The following CHMP7 variants were observed in gnomAD, a reference collection of about 807,000 sequenced individuals.
CHMP7 encodes the protein charged multivesicular body protein 7, also known as CHMP family, member 7.
In CHMP7, 15 loss-of-function variants were observed where a neutral mutation model predicts 53.7. The observed-to-expected ratio is 0.28, with a 90% CI of 0.19 to 0.43. The LOEUF is 0.43. Ranked by LOEUF, CHMP7 falls within the 20% of genes least tolerant of loss-of-function variation. The pLI is 1.00. For synonymous variants in CHMP7, 261 were observed against 228.0 expected (o/e 1.14, Z -1.30); for missense variants, 527 against 569.4 (o/e 0.93, Z 0.76).
chr8:23,249,434 C>T (rs1158797389), intron 3 of CHMP7, 53 bp downstream of exon 3: 3 of 1,402,086 alleles, frequency 2.1e-6, no homozygotes, highest in African/African-American at 1.4e-5. Context: ...TCACAGCATC[C>T]TCCACGTCCC....
Position 23,256,355 on chromosome 8 carries a change from G to T in CHMP7, c.658-105G>T, listed in dbSNP as rs537644589. On this transcript the variant is annotated intron_variant, in intron 4 of 10. Coordinates refer to ENST00000397677, the MANE Select transcript of CHMP7 (RefSeq NM_152272.5). The stretch of plus-strand genomic sequence containing the variant: ...CATTCACTGGAACATATCCCCCATG[G>T]ATAAGGGGGGCCTGCTGTTCTCACA... The T allele has an allele frequency of 2.0e-5, 15 of 764,252 alleles. No homozygotes were observed. In the East Asian group the frequency reaches 2.7e-4, roughly 14 times the overall value. 47.3% of individuals were successfully genotyped at this position (764,252 alleles called of 1,614,324 possible). A position where few individuals can be genotyped will look rare whatever the true frequency, so the allele number is the denominator to read the frequency against.
rs147819508 is a variant in CHMP7 at position 23,247,520 on chromosome 8, C to G, written c.299+526C>G. Among the ~76,000 whole-genome samples, 133 of 152,294 alleles carry G rather than the reference C, an allele frequency of 8.7e-4. 1 individual carries two copies. Among genetic ancestry groups the G allele is most frequent in the African/African-American group, 2.9e-3 (119 of 41,560 alleles). On this transcript the variant is annotated intron_variant, in intron 2 of 10. Coordinates refer to ENST00000397677, the MANE Select transcript of CHMP7 (RefSeq NM_152272.5). ...GAGAGGACGTGAAGGAGAATGAGGG[C>G]TTTGCTGAGTATCTGAGTGCCCTTA...
chr8:23,260,447 T>C, intron 10 of CHMP7, 91 bp from the exon 11 acceptor site: 2 of 1,509,522 alleles, frequency 1.3e-6, no homozygotes, highest in Non-Finnish European at 1.8e-6. Context: ...TTGAGGGTTG[T>C]TTATATTAAG....
intron 7 of CHMP7, 98 bp downstream of exon 7, chr8:23,258,547 T>C: frequency 6.5e-7 from 1 of 1,526,750 alleles, no homozygotes; most frequent in Non-Finnish European, 9.0e-7. Context: ...CCTGGGTTCT[T>C]TCGGGATGTG....
intron 5 of CHMP7, among the ~76,000 whole-genome samples, chr8:23,257,592 CT>C (rs1409269837): frequency 6.6e-6 from 1 of 152,238 alleles, no homozygotes; most frequent in East Asian, 1.9e-4. Flanking sequence ...GCCCTTCCCC[CT>C]GAATGACTGT....
chr8:23,260,511 G>A (rs761498998), intron 10 of CHMP7, 27 bp from the exon 11 acceptor site: 1 of 1,610,260 alleles, frequency 6.2e-7, no homozygotes, highest in Non-Finnish European at 8.5e-7. Flanking sequence ...TCCTGTTATA[G>A]TGTTCAGTCA....
At chr8:23,259,320 C>T (rs1203303382) in intron 9 of CHMP7, among the ~76,000 whole-genome samples, 194 bp downstream of exon 9, 1 of 150,022 alleles carries the variant, frequency 6.7e-6, no homozygotes, top group Non-Finnish European at 1.5e-5. Flanking sequence ...AGGCGCCTGC[C>T]ACTATGCCCG....
At chr8:23,259,309 C>T (rs1408514231) in intron 9 of CHMP7, among the ~76,000 whole-genome samples, 183 bp downstream of exon 9, 2 of 147,650 alleles carry the variant, frequency 1.4e-5, no homozygotes, top group Non-Finnish European at 3.0e-5. Flanking sequence ...GCTGGGACTA[C>T]AGGCGCCTGC....
At position 23,249,207 on chromosome 8, in the gene CHMP7, C is replaced by T. The variant is rs1350516641; in HGVS notation, c.300-3C>T. ...TACACGCCCTTCTTTTTCTTCCCTGCAGTCGAGGGGAGCTGCAGCGGGAGT... is the reference window on the plus strand; with the variant it reads ...TACACGCCCTTCTTTTTCTTCCCTGTAGTCGAGGGGAGCTGCAGCGGGAGT... On this transcript the variant is annotated splice_polypyrimidine_tract_variant and splice_region_variant and intron_variant, in intron 2 of 10. Coordinates refer to ENST00000397677, the MANE Select transcript of CHMP7 (RefSeq NM_152272.5). The T allele has an allele frequency of 6.4e-7, 1 of 1,570,530 alleles. No individual in the cohort carries two copies. The highest frequency in any genetic ancestry group is 1.4e-5 in the African/African-American group (1 of 72,942).
rs12194 is a variant in CHMP7, at chr8:23,260,990, C to T, written c.*391C>T. 0.36 allele frequency: 86,780 copies of T among 240,088 alleles called. 18,551 individuals carry two copies. Among genetic ancestry groups the T allele is most frequent in the Middle Eastern group, 0.47 (306 of 650 alleles). The allele number at this position is 240,088 out of a possible 1,614,324, so 14.9% of individuals were successfully genotyped here. A position where few individuals can be genotyped will look rare whatever the true frequency, so the allele number is the denominator to read the frequency against. Reference sequence around the variant, plus strand: ...CTGAATCAGTTCCCACTCCCCCCTGCGGTTTTTTAGAGGGGTTTATCCTGT... The same window carrying T: ...CTGAATCAGTTCCCACTCCCCCCTGTGGTTTTTTAGAGGGGTTTATCCTGT... On this transcript the variant is annotated 3_prime_UTR_variant, in exon 11 of 11. Transcript: ENST00000397677.
chr8:23,258,477 T>G lies in CHMP7; in HGVS notation c.960+28T>G, dbSNP rs763463382. ...AGTCACTCCCCTCTACTCCAGCACTTGGCTGGTCTCTCCGTGTGTGTTGGT... is the reference window on the plus strand; with the variant it reads ...AGTCACTCCCCTCTACTCCAGCACTGGGCTGGTCTCTCCGTGTGTGTTGGT... On this transcript the variant is annotated intron_variant, in intron 7 of 10. Transcript: ENST00000397677. The G allele has an allele frequency of 8.7e-6, 14 of 1,613,274 alleles. No individual in the cohort carries two copies. In the East Asian group the frequency reaches 2.2e-4, roughly 26 times the overall value.
At position 23,246,623 on chromosome 8, in the gene CHMP7, C is replaced by A; in HGVS notation, c.-73C>A. The A allele has an allele frequency of 1.5e-6, 2 of 1,318,784 alleles. No homozygotes were observed. Among genetic ancestry groups the A allele is most frequent in the Admixed American group, 2.4e-5 (1 of 42,440 alleles). 81.7% of individuals were successfully genotyped at this position (1,318,784 alleles called of 1,614,324 possible). On this transcript the variant is annotated 5_prime_UTR_variant, in exon 2 of 11. Coordinates refer to ENST00000397677, the MANE Select transcript of CHMP7 (RefSeq NM_152272.5). ...GAAGGAGGTGGTCAAGGAACGGAAG[C>A]CGGGAGGGAACGAGGGCGGAAGCGG...
intron 5 of CHMP7, 97 bp downstream of exon 5, chr8:23,256,690 G>GGTT (rs1554528962): frequency 5.3e-5 from 31 of 589,122 alleles, no homozygotes; most frequent in Admixed American, 1.7e-4. Flanking sequence ...AAATAGGTGG[G>GGTT]TTTTTTTTTT....
chr8:23,260,414 G>A, intron 10 of CHMP7, 91 bp downstream of exon 10: 2 of 1,543,372 alleles, frequency 1.3e-6, no homozygotes, highest in Non-Finnish European at 1.8e-6. Flanking sequence ...CCATTTGCCA[G>A]AGTACCAGAG....
At chr8:23,258,859 C>G (rs777937942) in intron 8 of CHMP7, 29 bp downstream of exon 8, 2 of 1,460,730 alleles carry the variant, frequency 1.4e-6, no homozygotes, top group East Asian at 4.5e-5. Flanking sequence ...GAGGGACACA[C>G]AGAGAAGGAG....
chr8:23,256,377 C>T (rs1039070520), intron 4 of CHMP7, 83 bp from the exon 5 acceptor site: 11 of 906,256 alleles, frequency 1.2e-5, no homozygotes, highest in East Asian at 2.4e-5. Context: ...CTGCTGTTCT[C>T]ACATGCCCAC....
At chr8:23,245,757 GCTTT>G (rs2128856098) in intron 1 of CHMP7, among the ~76,000 whole-genome samples, 1 of 152,274 alleles carries the variant, frequency 6.6e-6, no homozygotes, top group South Asian at 2.1e-4. Context: ...TGGGCCTAAT[GCTTT>G]CTGTGTGGAT....
chr8:23,251,040 G>A (rs145143953), intron 3 of CHMP7, among the ~76,000 whole-genome samples: 4 of 152,154 alleles, frequency 2.6e-5, no homozygotes, highest in Non-Finnish European at 5.9e-5. Context: ...CAGGGTCCCC[G>A]CAAAGACTGC....
At chr8:23,254,053 C>T (rs965712427) in intron 3 of CHMP7, among the ~76,000 whole-genome samples, 1 of 152,092 alleles carries the variant, frequency 6.6e-6, no homozygotes, top group African/African-American at 2.4e-5. Context: ...TCTCCTCTCT[C>T]TCCTTTCCCC....
Sources: gnomAD v4.1 joint callset for allele counts (sites outside exome capture counted in the v4.1 genomes callset) on GRCh38, gnomAD v4.1.1 for gene constraint, MANE v1.5 for transcripts, NCBI Gene and HGNC (gene_info 2026-07-23, HGNC 2026-07-21) for gene names.